Variants in ATP9B observed in about 807,000 individuals in gnomAD.
The protein encoded by ATP9B is probable phospholipid-transporting ATPase IIB.
ATP9B carries 110 observed loss-of-function variants against 146.1 expected under a neutral mutation model. That is an observed-to-expected ratio of 0.75 (90% confidence interval 0.65 to 0.88). The LOEUF (loss-of-function observed/expected upper bound fraction) is 0.88, where lower values mean the gene tolerates loss of function less well. ATP9B is among the 40% of genes least tolerant of loss of function. The pLI is 0.00. For synonymous variants in ATP9B, 604 were observed against 569.7 expected (o/e 1.06, Z -0.86); for missense variants, 1,499 against 1,496.4 (o/e 1.00, Z -0.03).
At chr18:79,132,568 T>C (rs940338540) in intron 5 of ATP9B, among the ~76,000 whole-genome samples, 1 of 152,230 alleles carries the variant, frequency 6.6e-6, no homozygotes, top group Non-Finnish European at 1.5e-5. Context: ...GTGGTTCTGA[T>C]ACAGATGTTT....
At chr18:79,247,789 T>C (rs1224922024) in intron 11 of ATP9B, among the ~76,000 whole-genome samples, 1 of 152,230 alleles carries the variant, frequency 6.6e-6, no homozygotes, top group Non-Finnish European at 1.5e-5. Context: ...ATGTTAATGT[T>C]CAAGGGAAAA....
Position 79,356,837 on chromosome 18 carries a change from CTCTGGGTCTGGAGGTGTCCGTGTGAGGGA to C in ATP9B, c.2904-2516_2904-2488del, listed in dbSNP as rs2147779186. Among the ~76,000 whole-genome samples the C allele has an allele frequency of 3.0e-5, 2 of 65,576 alleles. 1 individual carries two copies. The highest frequency in any genetic ancestry group is 7.5e-5 in the Non-Finnish European group (2 of 26,622). 43.0% of individuals were successfully genotyped at this position (65,576 alleles called of 152,430 possible). ...TCTGGAGGTGTCTGTGTGAGGGATGCTCTGGGTCTGGAGGTGTCCGTGTGAGGGACCCTGTGTGAGGGATGCTCTGGGTC... is the reference window on the plus strand; with the variant it reads ...TCTGGAGGTGTCTGTGTGAGGGATGCCCCTGTGTGAGGGATGCTCTGGGTC... On this transcript the variant is annotated intron_variant, in intron 25 of 29. Coordinates refer to ENST00000426216, the MANE Select transcript of ATP9B (RefSeq NM_198531.5).
At chr18:79,071,603 T>C (rs944026086) in intron 1 of ATP9B, among the ~76,000 whole-genome samples, 1 of 151,914 alleles carries the variant, frequency 6.6e-6, no homozygotes, top group Non-Finnish European at 1.5e-5. Flanking sequence ...CCAACTGGTC[T>C]CAAGTGATCC....
At position 79,320,987 on chromosome 18, in the gene ATP9B, A is replaced by G. The variant is rs200227302; in HGVS notation, c.1774-8154A>G. Among the ~76,000 whole-genome samples the G allele has an allele frequency of 3.9e-5, 6 of 152,358 alleles. No homozygotes were observed. The East Asian group carries it at 1.2e-3, about 29-fold the overall frequency. On this transcript the variant is annotated intron_variant, in intron 15 of 29. Coordinates refer to ENST00000426216, the MANE Select transcript of ATP9B (RefSeq NM_198531.5). ...ATCTCTCAAACATCTTTAGGAAGAT[A>G]ATAGACTCAAACTTATCAATCCTTT...
chr18:79,331,669 C>T lies in ATP9B; in HGVS notation c.2028+1565C>T, dbSNP rs150353995. On this transcript the variant is annotated intron_variant, in intron 17 of 29. Coordinates refer to ENST00000426216, the MANE Select transcript of ATP9B (RefSeq NM_198531.5). ...AGTTAAAAGTGTATTATTCTGCTTC[C>T]ATCAGGCTCCTCCAGAACTGAATTC... 3.9e-3 allele frequency among the ~76,000 whole-genome samples: 591 copies of T among 152,080 alleles called. 2 individuals are homozygous for T. The highest frequency in any genetic ancestry group is 6.5e-3 in the Non-Finnish European group (445 of 67,984).
chr18:79,198,346 A>C (rs1030792575), intron 9 of ATP9B, among the ~76,000 whole-genome samples: 3 of 152,226 alleles, frequency 2.0e-5, no homozygotes, highest in African/African-American at 7.2e-5. Flanking sequence ...CACTAATCAA[A>C]GCTGGAGTTA....
At chr18:79,118,194 A>G (rs1383199754) in intron 4 of ATP9B, among the ~76,000 whole-genome samples, 1 of 152,162 alleles carries the variant, frequency 6.6e-6, no homozygotes. Flanking sequence ...TGTTATAATG[A>G]ACAATGTGAT....
chr18:79,179,701 A>G (rs1013039738), intron 8 of ATP9B, among the ~76,000 whole-genome samples: 1 of 152,170 alleles, frequency 6.6e-6, no homozygotes, highest in Admixed American at 6.5e-5. Flanking sequence ...AACTTGTGAT[A>G]TGGCCCAGCA....
intron 11 of ATP9B, among the ~76,000 whole-genome samples, chr18:79,218,786 G>T (rs1164247907): frequency 6.6e-6 from 1 of 152,234 alleles, no homozygotes; most frequent in Non-Finnish European, 1.5e-5. Context: ...GGCTTTGCGA[G>T]CGAGTGATAT....
At chr18:79,084,463 A>G (rs772771285) in intron 1 of ATP9B, among the ~76,000 whole-genome samples, 1 of 152,118 alleles carries the variant, frequency 6.6e-6, no homozygotes, top group Non-Finnish European at 1.5e-5. Context: ...TTAGAACATG[A>G]CAATTTTGCT....
chr18:79,139,827 A>G (rs2094492625), intron 5 of ATP9B, among the ~76,000 whole-genome samples: 1 of 152,084 alleles, frequency 6.6e-6, no homozygotes, highest in Non-Finnish European at 1.5e-5. Flanking sequence ...AACTCCCACT[A>G]ACCTTCCCAG....
intron 15 of ATP9B, among the ~76,000 whole-genome samples, chr18:79,311,426 C>T (rs2096651726): frequency 6.6e-6 from 1 of 152,104 alleles, no homozygotes; most frequent in African/African-American, 2.4e-5. Flanking sequence ...ATATAAACAT[C>T]CCCTGATACG....
chr18:79,187,466 G>A (rs2095318695), intron 8 of ATP9B, among the ~76,000 whole-genome samples: 1 of 152,174 alleles, frequency 6.6e-6, no homozygotes, highest in Admixed American at 6.5e-5. Context: ...TCAGTTACCT[G>A]GTCCTAACCA....
At chr18:79,374,467 G>A (rs984122643) in intron 28 of ATP9B, among the ~76,000 whole-genome samples, 9 of 131,442 alleles carry the variant, frequency 6.8e-5, no homozygotes, top group Admixed American at 3.0e-4. Flanking sequence ...TCGGTCACTG[G>A]CTGGCCGGTC....
At chr18:79,103,763 A>G (rs1170330258) in intron 2 of ATP9B, among the ~76,000 whole-genome samples, 1 of 152,176 alleles carries the variant, frequency 6.6e-6, no homozygotes, top group Non-Finnish European at 1.5e-5. Context: ...GCATAAATTT[A>G]TGGTGATGAG....
intron 3 of ATP9B, 69 bp downstream of exon 3, chr18:79,110,574 G>A (rs962386673): frequency 6.9e-7 from 1 of 1,442,464 alleles, no homozygotes; most frequent in African/African-American, 1.5e-5. Context: ...CTATAGGATG[G>A]AGCCTGTTGA....
intron 1 of ATP9B, chr18:79,085,206 G>T (rs1354096640): frequency 6.6e-6 from 1 of 152,128 alleles, no homozygotes; most frequent in Non-Finnish European, 1.5e-5. Context: ...GATCTCACGT[G>T]AACTGAGTGA....
intron 16 of ATP9B, 79 bp from the exon 17 acceptor site, chr18:79,329,933 A>G (rs2147119101): frequency 2.3e-6 from 3 of 1,288,678 alleles, no homozygotes; most frequent in South Asian, 2.4e-5. Context: ...TTTCCATTGT[A>G]TGTTTTATTA....
intron 12 of ATP9B, among the ~76,000 whole-genome samples, chr18:79,276,829 G>A (rs945390026): frequency 2.0e-5 from 3 of 152,190 alleles, no homozygotes; most frequent in Non-Finnish European, 1.5e-5. Flanking sequence ...GAAAGATAAT[G>A]CATATTAAAA....
Sources: allele counts gnomAD v4.1 joint callset (sites outside exome capture counted in the v4.1 genomes callset), GRCh38; gene constraint gnomAD v4.1.1; transcripts MANE v1.5; gene names NCBI Gene and HGNC (gene_info 2026-07-23, HGNC 2026-07-21).